QTMAN: variants seen among roughly 807,000 people sequenced by gnomAD.
QTMAN encodes queuosine-tRNA mannosyltransferase, also known as tRNA-queuosine alpha-mannosyltransferase.
the QTMAN span, among the ~76,000 whole-genome samples, chr2:144,294,702 C>T: frequency 5.9e-5 from 9 of 151,942 alleles, no homozygotes; most frequent in East Asian, 1.9e-4. Context: ...AAGTAATCTT[C>T]AATAAGTAAA....
chr2:144,239,012 T>C, the QTMAN span, among the ~76,000 whole-genome samples: 2 of 151,840 alleles, frequency 1.3e-5, no homozygotes, highest in African/African-American at 4.8e-5. Context: ...CACATCATCA[T>C]CACCCATGCC....
the QTMAN span, among the ~76,000 whole-genome samples, chr2:144,330,982 T>C: frequency 2.0e-5 from 3 of 152,222 alleles, no homozygotes; most frequent in African/African-American, 7.2e-5. Flanking sequence ...ATCTTAACCT[T>C]TGCAAACTGG....
chr2:144,090,220 C>T, the QTMAN span, among the ~76,000 whole-genome samples: 24 of 151,968 alleles, frequency 1.6e-4, no homozygotes, highest in African/African-American at 1.2e-4. Flanking sequence ...TTCCTCAATC[C>T]GGTAAGGGAC....
chr2:144,291,902 CT>C, the QTMAN span, among the ~76,000 whole-genome samples: 1 of 152,200 alleles, frequency 6.6e-6, no homozygotes, highest in African/African-American at 2.4e-5. Context: ...AAGAAACCAA[CT>C]GCTTTGGAAA....
chr2:144,048,015 A>G, the QTMAN span, among the ~76,000 whole-genome samples: 1 of 152,266 alleles, frequency 6.6e-6, no homozygotes, highest in African/African-American at 2.4e-5. Context: ...GTTCCAAACC[A>G]GATGATAGAA....
the QTMAN span, among the ~76,000 whole-genome samples, chr2:144,253,979 C>T: frequency 6.6e-6 from 1 of 152,204 alleles, no homozygotes; most frequent in African/African-American, 2.4e-5. Context: ...CTGTGTGCAG[C>T]CTCAAGAATT....
At chr2:144,192,408 A>C in the QTMAN span, among the ~76,000 whole-genome samples, 1,676 of 152,286 alleles carry the variant, frequency 0.011, 28 homozygotes, top group African/African-American at 0.037. Context: ...CACCTGGCCT[A>C]GTTTAACTCT....
the QTMAN span, among the ~76,000 whole-genome samples, chr2:144,129,243 G>T: frequency 4.0e-5 from 6 of 151,858 alleles, no homozygotes; most frequent in Non-Finnish European, 8.8e-5. Context: ...ATAGGTGGGT[G>T]TCCAAAACAG....
At chr2:144,200,329 A>C in the QTMAN span, among the ~76,000 whole-genome samples, 2 of 152,232 alleles carry the variant, frequency 1.3e-5, no homozygotes, top group Non-Finnish European at 2.9e-5. Context: ...CCATAAATTT[A>C]AAAGTCATTG....
chr2:143,966,413 A>G, the QTMAN span, among the ~76,000 whole-genome samples: 128 of 152,384 alleles, frequency 8.4e-4, no homozygotes, highest in South Asian at 4.6e-3. Flanking sequence ...GAGTGGGACT[A>G]TAAGTTTCAA....
At chr2:144,273,898 G>A in the QTMAN span, among the ~76,000 whole-genome samples, 1 of 152,280 alleles carries the variant, frequency 6.6e-6, no homozygotes, top group Non-Finnish European at 1.5e-5. Context: ...CACTTTGGGA[G>A]GCCAAGGTGG....
chr2:143,946,402 A>G, the QTMAN span: 1 of 152,308 alleles, frequency 6.6e-6, no homozygotes, highest in African/African-American at 2.4e-5. Flanking sequence ...TCTTATTAAT[A>G]CCTTCACTTA....
the QTMAN span, among the ~76,000 whole-genome samples, chr2:144,319,399 C>T: frequency 1.3e-5 from 2 of 152,080 alleles, no homozygotes; most frequent in East Asian, 3.9e-4. Flanking sequence ...TAACCCAATA[C>T]TAAAAGGTGA....
chr2:143,973,106 ATAAGTAG>A, the QTMAN span, among the ~76,000 whole-genome samples: 1 of 152,204 alleles, frequency 6.6e-6, no homozygotes, highest in Admixed American at 6.5e-5. Context: ...GTTACTGGAG[ATAAGTAG>A]TAAGTGGGTT....
the QTMAN span, among the ~76,000 whole-genome samples, chr2:144,185,387 G>T: frequency 2.0e-5 from 3 of 152,226 alleles, no homozygotes; most frequent in East Asian, 3.9e-4. Flanking sequence ...AGTTAGTTAT[G>T]ATTTTAACAG....
At chr2:144,052,024 A>C in the QTMAN span, among the ~76,000 whole-genome samples, 1 of 152,158 alleles carries the variant, frequency 6.6e-6, no homozygotes, top group African/African-American at 2.4e-5. Context: ...TTCCTTGTTT[A>C]TTGCCTGTGT....
At chr2:144,047,431 C>G in the QTMAN span, among the ~76,000 whole-genome samples, 1 of 152,252 alleles carries the variant, frequency 6.6e-6, no homozygotes, top group East Asian at 1.9e-4. Flanking sequence ...AAGTTAACTA[C>G]TTAACTGAAA....
the QTMAN span, among the ~76,000 whole-genome samples, chr2:144,052,963 A>G: frequency 7.9e-5 from 12 of 152,114 alleles, no homozygotes; most frequent in Admixed American, 7.9e-4. Flanking sequence ...TTAAAGGAAT[A>G]TTTTGGGTTA....
chr2:144,246,253 G>A, the QTMAN span, among the ~76,000 whole-genome samples: 16 of 152,188 alleles, frequency 1.1e-4, no homozygotes, highest in Admixed American at 6.5e-4. Context: ...CATAGCTGAT[G>A]ATAGCTAGGT....
Sources: allele counts gnomAD v4.1 joint callset (sites outside exome capture counted in the v4.1 genomes callset), GRCh38; gene constraint gnomAD v4.1.1; transcripts MANE v1.5; gene names NCBI Gene and HGNC (gene_info 2026-07-23, HGNC 2026-07-21).